The following PRICKLE2 variants were observed in gnomAD, a reference collection of about 807,000 sequenced individuals.
PRICKLE2 encodes prickle-like protein 2.
PRICKLE2 carries 21 observed loss-of-function variants against 81.4 expected under a neutral mutation model. The observed-to-expected ratio is 0.26, with a 90% CI of 0.18 to 0.37. The LOEUF (loss-of-function observed/expected upper bound fraction) is 0.37. Ranked by LOEUF, PRICKLE2 falls within the 10% of genes least tolerant of loss-of-function variation. The probability of loss-of-function intolerance (pLI) is 1.00; values close to 1 mark genes in which losing one functional copy is unlikely to be tolerated. For synonymous variants in PRICKLE2, 456 were observed against 421.5 expected (o/e 1.08, Z -1.00); for missense variants, 940 against 1,109.0 (o/e 0.85, Z 2.16).
intron 3 of PRICKLE2, among the ~76,000 whole-genome samples, chr3:64,160,323 C>T (rs866041260): frequency 6.6e-6 from 1 of 152,186 alleles, no homozygotes; most frequent in Non-Finnish European, 1.5e-5. Context: ...AAGCCTTGGG[C>T]AGGCTAAAGG....
intron 7 of PRICKLE2, among the ~76,000 whole-genome samples, chr3:64,128,685 G>A (rs1354367161): frequency 7.2e-6 from 1 of 138,620 alleles, no homozygotes; most frequent in East Asian, 2.2e-4. Flanking sequence ...GGGAGAGGTT[G>A]TAGTGAGCCA....
At chr3:64,264,163 G>A (rs2079660064) in intron 2 of PRICKLE2, among the ~76,000 whole-genome samples, 2 of 152,020 alleles carry the variant, frequency 1.3e-5, no homozygotes, top group African/African-American at 4.8e-5. Flanking sequence ...ACAGTTGTAG[G>A]TCCAGGTCCC....
chr3:64,262,114 G>C (rs367623471), intron 2 of PRICKLE2, among the ~76,000 whole-genome samples: 4 of 152,012 alleles, frequency 2.6e-5, no homozygotes, highest in East Asian at 3.9e-4. Flanking sequence ...TCCATGTAAC[G>C]CACACTCTAT....
intron 2 of PRICKLE2, among the ~76,000 whole-genome samples, chr3:64,239,521 C>T (rs939422661): frequency 4.6e-5 from 7 of 152,176 alleles, no homozygotes; most frequent in Non-Finnish European, 8.8e-5. Context: ...TATCCACAGA[C>T]ATTCCGAAGG....
chr3:64,191,772 TAG>T (rs542454500), intron 2 of PRICKLE2, among the ~76,000 whole-genome samples: 292 of 152,304 alleles, frequency 1.9e-3, no homozygotes, highest in African/African-American at 6.8e-3. Context: ...AGTGGAGTAG[TAG>T]AGAGATTTGC....
chr3:64,240,716 G>A (rs1028022880), intron 2 of PRICKLE2, among the ~76,000 whole-genome samples: 3 of 152,104 alleles, frequency 2.0e-5, no homozygotes, highest in African/African-American at 7.2e-5. Flanking sequence ...GTATCACCAG[G>A]GAACTTGTTT....
upstream of PRICKLE2, among the ~76,000 whole-genome samples, chr3:64,226,037 A>C (rs1294244760): frequency 6.6e-6 from 1 of 152,132 alleles, no homozygotes; most frequent in Admixed American, 6.5e-5. Context: ...TGAGTCAGTC[A>C]GCTGCCCTTT....
In PRICKLE2 at chr3:64,092,946, A is replaced by T. The variant is rs1416298089; in HGVS notation, c.*6105T>A. 1.3e-5 allele frequency: 2 copies of T among 152,292 alleles called. No individual in the cohort carries two copies. Among genetic ancestry groups the T allele is most frequent in the African/African-American group, 4.8e-5 (2 of 41,456 alleles). 9.4% of individuals were successfully genotyped at this position (152,292 alleles called of 1,614,324 possible). On this transcript the variant is annotated 3_prime_UTR_variant, in exon 8 of 8. Coordinates refer to ENST00000638394, the MANE Select transcript of PRICKLE2 (RefSeq NM_198859.4). Reference sequence around the variant, plus strand: ...GTTCAGTAGTATTAAGTTCATCTGCATTGTTCTGCAACCCGTCTCCAGAAC... The same window carrying T: ...GTTCAGTAGTATTAAGTTCATCTGCTTTGTTCTGCAACCCGTCTCCAGAAC...
At chr3:64,185,861 C>CA (rs1211525865) in intron 2 of PRICKLE2, among the ~76,000 whole-genome samples, 1 of 152,160 alleles carries the variant, frequency 6.6e-6, no homozygotes, top group African/African-American at 2.4e-5. Context: ...CCCATGAAAG[C>CA]ATCAACATAA....
intron 2 of PRICKLE2, among the ~76,000 whole-genome samples, chr3:64,230,970 C>A (rs1348471291): frequency 1.3e-5 from 2 of 152,172 alleles, no homozygotes; most frequent in Non-Finnish European, 2.9e-5. Context: ...AGCCTTCTGT[C>A]TTGTCCATTT....
intron 2 of PRICKLE2, among the ~76,000 whole-genome samples, chr3:64,197,199 T>C (rs1291213969): frequency 1.3e-5 from 2 of 152,204 alleles, no homozygotes; most frequent in Non-Finnish European, 2.9e-5. Context: ...TTTACTATTA[T>C]GAATAGTGCT....
At chr3:64,250,024 A>C (rs1023374593) in intron 2 of PRICKLE2, among the ~76,000 whole-genome samples, 4 of 152,192 alleles carry the variant, frequency 2.6e-5, no homozygotes, top group Admixed American at 1.3e-4. Context: ...TGAACCTAGG[A>C]CTTCAAATGC....
intron 7 of PRICKLE2, among the ~76,000 whole-genome samples, chr3:64,125,222 T>C (rs992590854): frequency 5.9e-5 from 9 of 151,992 alleles, no homozygotes; most frequent in Non-Finnish European, 4.4e-5. Context: ...GATGAATTGT[T>C]GCTTTTTATG....
intron 2 of PRICKLE2, among the ~76,000 whole-genome samples, chr3:64,250,454 A>G (rs1371026618): frequency 6.6e-6 from 1 of 152,158 alleles, no homozygotes; most frequent in Non-Finnish European, 1.5e-5. Flanking sequence ...GGCCAGGTTT[A>G]CCTAGCATGG....
intron 2 of PRICKLE2, among the ~76,000 whole-genome samples, chr3:64,266,825 A>C (rs1245813251): frequency 6.6e-6 from 1 of 152,170 alleles, no homozygotes; most frequent in Non-Finnish European, 1.5e-5. Context: ...CCGGCCCAGC[A>C]AAATAAGGGC....
intron 2 of PRICKLE2, among the ~76,000 whole-genome samples, chr3:64,235,961 C>G (rs2079174576): frequency 6.6e-6 from 1 of 152,068 alleles, no homozygotes; most frequent in Non-Finnish European, 1.5e-5. Context: ...CAGTATGTGG[C>G]AGGGGTACCT....
rs11923906 is a variant in PRICKLE2 at position 64,119,957 on chromosome 3, C to G, written c.1661-20032G>C. 6.0e-3 allele frequency among the ~76,000 whole-genome samples: 909 copies of G among 152,154 alleles called. 10 individuals are homozygous for G. The highest frequency in any genetic ancestry group is 0.021 in the African/African-American group (879 of 41,522). On this transcript the variant is annotated intron_variant, in intron 7 of 7. Transcript: ENST00000638394. ...TTTCCCAAGTGAATTAAGGTGGGAA[C>G]AAAAAACGAATTACCACATGTTCTC...
At position 64,122,824 on chromosome 3, in the gene PRICKLE2, A is replaced by T. The variant is rs540544872; in HGVS notation, c.1661-22899T>A. On this transcript the variant is annotated intron_variant, in intron 7 of 7. Coordinates refer to ENST00000638394, the MANE Select transcript of PRICKLE2 (RefSeq NM_198859.4). ...GTCCCTGTGCCAACCCAGCCAGGGTAGATGGTGACCCAGCTCCCCCTGGAA... is the reference window on the plus strand; with the variant it reads ...GTCCCTGTGCCAACCCAGCCAGGGTTGATGGTGACCCAGCTCCCCCTGGAA... Among the ~76,000 whole-genome samples the T allele has an allele frequency of 2.0e-5, 3 of 152,262 alleles. No homozygotes were observed. In the South Asian group the frequency reaches 6.2e-4, roughly 32 times the overall value.
chr3:64,221,922 C>G (rs1559589020), intron 1 of PRICKLE2, among the ~76,000 whole-genome samples: 1 of 152,198 alleles, frequency 6.6e-6, no homozygotes, highest in Non-Finnish European at 1.5e-5. Context: ...TAGACGGGTA[C>G]CACGGTTTGT....
Sources: gnomAD v4.1 joint callset for allele counts (sites outside exome capture counted in the v4.1 genomes callset) on GRCh38, gnomAD v4.1.1 for gene constraint, MANE v1.5 for transcripts, NCBI Gene and HGNC (gene_info 2026-07-23, HGNC 2026-07-21) for gene names.